The following ANKS1B variants were observed in gnomAD, a reference collection of about 807,000 sequenced individuals.
The protein encoded by ANKS1B is ankyrin repeat and sterile alpha motif domain containing 1B, also known as ankyrin repeat and sterile alpha motif domain-containing protein 1B.
In ANKS1B, 36 loss-of-function variants were observed where a neutral mutation model predicts 148.3. The observed-to-expected ratio is 0.24, with a 90% CI of 0.19 to 0.32. The LOEUF (loss-of-function observed/expected upper bound fraction) is 0.32. Among genes scored for constraint, ANKS1B ranks in the 10% least tolerant of loss-of-function variants. ANKS1B has a pLI of 1.00. For synonymous variants in ANKS1B, 542 were observed against 560.8 expected (o/e 0.97, Z 0.47); for missense variants, 1,157 against 1,542.6 (o/e 0.75, Z 4.19).
intron 8 of ANKS1B, among the ~76,000 whole-genome samples, chr12:99,690,430 G>A (rs1239247102): frequency 6.6e-6 from 1 of 152,108 alleles, no homozygotes; most frequent in Non-Finnish European, 1.5e-5. Flanking sequence ...TCTGAGACAA[G>A]GCAAGTCCCT....
chr12:99,787,999 G>T (rs1426199223), intron 4 of ANKS1B, among the ~76,000 whole-genome samples: 1 of 152,220 alleles, frequency 6.6e-6, no homozygotes, highest in Non-Finnish European at 1.5e-5. Context: ...CCACTGCACT[G>T]CAGGCTGAAG....
In ANKS1B at chr12:98,773,165, C is replaced by T. The variant is rs1227694210; in HGVS notation, c.3456G>A (p.Glu1152=). 2 of 1,609,770 alleles carry T rather than the reference C, an allele frequency of 1.2e-6. No individual in the cohort carries two copies. The highest frequency in any genetic ancestry group is 1.7e-5 in the Admixed American group (1 of 59,288). The change falls in exon 25 of 27, where the codon GAG becomes GAA. Residue 1152 remains glutamate, a synonymous_variant. Coordinates refer to ENST00000683438, the MANE Select transcript of ANKS1B (RefSeq NM_001352186.2). ...CACAGGAGATATTACGAATTTCATG[C>T]TCAGCAATTATGTTCTGGAAGAAAT... ...IDATNKNIIA[E]HEIRNISCAA...
chr12:99,179,939 T>TATAA (rs781530850), intron 14 of ANKS1B, among the ~76,000 whole-genome samples: 3 of 152,216 alleles, frequency 2.0e-5, no homozygotes, highest in Non-Finnish European at 4.4e-5. Context: ...CCCAACTGCA[T>TATAA]TTATAATAAA....
chr12:98,926,263 T>C (rs1008472537), intron 17 of ANKS1B, among the ~76,000 whole-genome samples: 1 of 152,156 alleles, frequency 6.6e-6, no homozygotes, highest in Non-Finnish European at 1.5e-5. Context: ...AGGAAATCTG[T>C]TCAATCATTA....
intron 17 of ANKS1B, among the ~76,000 whole-genome samples, chr12:98,932,810 T>C (rs1206222553): frequency 1.3e-5 from 2 of 152,200 alleles, no homozygotes; most frequent in African/African-American, 2.4e-5. Flanking sequence ...GAATCTTTAA[T>C]ACCAATGTGC....
At chr12:99,741,382 A>T (rs911809180) in intron 8 of ANKS1B, among the ~76,000 whole-genome samples, 12 of 152,150 alleles carry the variant, frequency 7.9e-5, no homozygotes, top group African/African-American at 2.9e-4. Context: ...TGACCCAGCA[A>T]TCCCATTACT....
chr12:98,767,887 G>C (rs1476098904), intron 25 of ANKS1B, among the ~76,000 whole-genome samples: 2 of 152,192 alleles, frequency 1.3e-5, no homozygotes, highest in South Asian at 2.1e-4. Context: ...TCAGCCTCGG[G>C]ATCTGGTGGC....
chr12:99,316,997 T>C (rs1029774521), intron 12 of ANKS1B, among the ~76,000 whole-genome samples: 3 of 152,126 alleles, frequency 2.0e-5, no homozygotes, highest in African/African-American at 7.2e-5. Context: ...TGGTGTTATT[T>C]CTGAGGACTC....
chr12:99,480,410 C>A (rs2096392336), intron 10 of ANKS1B, among the ~76,000 whole-genome samples: 1 of 151,710 alleles, frequency 6.6e-6, no homozygotes, highest in African/African-American at 2.4e-5. Flanking sequence ...TTTTAAAAGT[C>A]AAAAAATCTG....
intron 14 of ANKS1B, among the ~76,000 whole-genome samples, chr12:99,180,047 C>T (rs1466502767): frequency 6.6e-6 from 1 of 152,048 alleles, no homozygotes; most frequent in African/African-American, 2.4e-5. Flanking sequence ...CTTCTTGCTT[C>T]CCTGTTTTTG....
intron 17 of ANKS1B, among the ~76,000 whole-genome samples, chr12:98,903,481 G>C (rs976790795): frequency 8.5e-5 from 13 of 152,162 alleles, no homozygotes; most frequent in African/African-American, 3.1e-4. Context: ...GATGAGCTTG[G>C]TATTACCAGG....
chr12:99,442,149 T>C (rs1158859388), intron 11 of ANKS1B, among the ~76,000 whole-genome samples: 6 of 151,828 alleles, frequency 4.0e-5, no homozygotes, highest in African/African-American at 1.5e-4. Context: ...CTGGGTTTAG[T>C]GAGGTTTATC....
chr12:98,905,617 T>G lies in ANKS1B; in HGVS notation c.2779-73481A>C, dbSNP rs574232711. On this transcript the variant is annotated intron_variant, in intron 17 of 26. Coordinates refer to ENST00000683438, the MANE Select transcript of ANKS1B (RefSeq NM_001352186.2). Reference sequence around the variant, plus strand: ...AGACCCCATATCTACAAAAAATTTTTAAAAATTAGCCTGGCATGGTGGTGC... The same window carrying G: ...AGACCCCATATCTACAAAAAATTTTGAAAAATTAGCCTGGCATGGTGGTGC... Among the ~76,000 whole-genome samples the G allele has an allele frequency of 1.5e-3, 223 of 152,026 alleles. 1 individual carries two copies. Among genetic ancestry groups the G allele is most frequent in the African/African-American group, 5.2e-3 (217 of 41,474 alleles).
intron 9 of ANKS1B, among the ~76,000 whole-genome samples, chr12:99,592,812 A>G (rs555884534): frequency 2.0e-5 from 3 of 152,228 alleles, no homozygotes; most frequent in Admixed American, 2.0e-4. Context: ...AGTTTTATAC[A>G]TTTTAGGGAG....
At chr12:99,084,591 A>C (rs2050966812) in intron 16 of ANKS1B, among the ~76,000 whole-genome samples, 1 of 152,118 alleles carries the variant, frequency 6.6e-6, no homozygotes, top group Non-Finnish European at 1.5e-5. Flanking sequence ...GGTGGTGTGT[A>C]CCCATAACCC....
At chr12:99,395,959 T>A (rs1432942167) in intron 12 of ANKS1B, among the ~76,000 whole-genome samples, 1 of 152,174 alleles carries the variant, frequency 6.6e-6, no homozygotes, top group Non-Finnish European at 1.5e-5. Flanking sequence ...CAAGAAAAGG[T>A]CAGCTATCTC....
intron 17 of ANKS1B, among the ~76,000 whole-genome samples, chr12:98,850,919 T>C (rs2099521293): frequency 6.6e-6 from 1 of 151,990 alleles, no homozygotes; most frequent in Admixed American, 6.5e-5. Flanking sequence ...AGGCACAGAG[T>C]TCTATTACTT....
At chr12:98,740,347 C>G (rs561636853), downstream of ANKS1B, among the ~76,000 whole-genome samples, 84 of 152,198 alleles carry the variant, frequency 5.5e-4, no homozygotes, top group African/African-American at 1.9e-3. Flanking sequence ...CATTGCCAGT[C>G]TCCTCCTTTA....
chr12:99,748,408 T>C (rs191133479), intron 8 of ANKS1B, among the ~76,000 whole-genome samples: 124 of 144,542 alleles, frequency 8.6e-4, no homozygotes, highest in Non-Finnish European at 1.6e-3. Context: ...GAGAACTATC[T>C]GAAGAGATTT....
Sources: allele counts gnomAD v4.1 joint callset (sites outside exome capture counted in the v4.1 genomes callset), GRCh38; gene constraint gnomAD v4.1.1; transcripts MANE v1.5; gene names NCBI Gene and HGNC (gene_info 2026-07-23, HGNC 2026-07-21).